The following LTN1 variants were observed in gnomAD, a reference collection of about 807,000 sequenced individuals.
The protein encoded by LTN1 is listerin E3 ubiquitin protein ligase 1, also known as E3 ubiquitin-protein ligase listerin.
A neutral mutation model predicts 201.2 loss-of-function variants in LTN1; 88 were observed. The observed-to-expected ratio is 0.44, with a 90% confidence interval of 0.37 to 0.52. LTN1 has a LOEUF of 0.52. LTN1 is among the 20% of genes least tolerant of loss of function. LTN1 has a pLI of 0.00. For missense variants in LTN1, 1,752 were observed against 2,038.7 expected (o/e 0.86, Z 2.71); for synonymous variants, 645 against 713.5 (o/e 0.90, Z 1.53).
chr21:28,943,926 A>G, intron 22 of LTN1, 22 bp from the exon 23 acceptor site: 1 of 1,438,036 alleles, frequency 7.0e-7, no homozygotes, highest in Non-Finnish European at 9.8e-7. Flanking sequence ...AAGGAAAGAA[A>G]CATGCACGTC....
chr21:28,968,915 A>C (rs1380339113), intron 9 of LTN1, among the ~76,000 whole-genome samples: 2 of 150,060 alleles, frequency 1.3e-5, no homozygotes, highest in African/African-American at 4.9e-5. Flanking sequence ...CCTGCACTAC[A>C]TCTTTCTAAA....
chr21:28,948,152 C>A (rs9977333), intron 18 of LTN1, among the ~76,000 whole-genome samples: 115,775 of 115,776 alleles, frequency 1, 57,887 homozygotes, highest in Non-Finnish European at 1. Flanking sequence ...AGATTGGGCC[C>A]CTGCACTCCA....
chr21:28,932,424 C>T, intron 28 of LTN1, 46 bp downstream of exon 28: 2 of 1,442,512 alleles, frequency 1.4e-6, no homozygotes, highest in Non-Finnish European at 1.9e-6. Context: ...TTAAATAGAT[C>T]ATCTTTTCCA....
At chr21:28,938,293 A>G (rs2084271714) in intron 25 of LTN1, among the ~76,000 whole-genome samples, 1 of 152,216 alleles carries the variant, frequency 6.6e-6, no homozygotes, top group African/African-American at 2.4e-5. Flanking sequence ...ATATGCTTAA[A>G]TACTTTTGGT....
chr21:28,940,844 T>G (rs2084291563), intron 25 of LTN1, among the ~76,000 whole-genome samples: 1 of 152,152 alleles, frequency 6.6e-6, no homozygotes, highest in African/African-American at 2.4e-5. Flanking sequence ...TCCCAGCATT[T>G]TGGGAGGCCA....
intron 18 of LTN1, among the ~76,000 whole-genome samples, chr21:28,950,286 T>C (rs888020744): frequency 1.4e-4 from 21 of 152,216 alleles, no homozygotes; most frequent in Non-Finnish European, 5.9e-5. Flanking sequence ...GTTATCATTG[T>C]GAATGGAATC....
chr21:28,959,268 A>T, intron 13 of LTN1, 190 bp downstream of exon 13: 1 of 571,902 alleles, frequency 1.7e-6, no homozygotes, highest in Non-Finnish European at 2.9e-6. Flanking sequence ...AGATCTTTAG[A>T]AATAACATCT....
At chr21:28,955,662 C>A (rs1293794266) in intron 16 of LTN1, among the ~76,000 whole-genome samples, 1 of 151,680 alleles carries the variant, frequency 6.6e-6, no homozygotes, top group Non-Finnish European at 1.5e-5. Flanking sequence ...CGGTAGCTCA[C>A]TTCTATAATC....
rs1202193593 is a variant in LTN1, at chr21:28,966,477, C to T, written c.2014G>A (p.Glu672Lys). 1 of 1,614,170 alleles carries T rather than the reference C, an allele frequency of 6.2e-7. No individual in the cohort carries two copies. Among genetic ancestry groups the T allele is most frequent in the African/African-American group, 1.3e-5 (1 of 75,066 alleles). The change falls in exon 10 of 30, where the codon GAA becomes AAA. Residue 672 changes from glutamate to lysine, a missense_variant. Glu to Lys is a moderately conservative substitution (Grantham distance 56). Transcript: ENST00000361371. ...AAACCAAAATCCTTCCTTTGATCTT[C>T]ATTTAGCCAACCTATCAGTTTCTGG... ...LYQKLIGWLNEDQRKDFGFLV... is the reference protein window; with the variant it reads ...LYQKLIGWLNKDQRKDFGFLV...
intron 11 of LTN1, among the ~76,000 whole-genome samples, chr21:28,962,157 C>A (rs62224011): frequency 0.039 from 5,922 of 152,286 alleles, 130 homozygotes; most frequent in Middle Eastern, 0.12. Flanking sequence ...TCTGCAGAAT[C>A]CTGGTAAACA....
chr21:28,966,492 T>C lies in LTN1; in HGVS notation c.1999A>G (p.Ile667Val). The C allele has an allele frequency of 1.9e-6, 3 of 1,614,154 alleles. No individual in the cohort carries two copies. Among genetic ancestry groups the C allele is most frequent in the Non-Finnish European group, 2.5e-6 (3 of 1,180,008 alleles). ...CTTTGATCTTCATTTAGCCAACCTA[T>C]CAGTTTCTGGTATAAAAACTGCACC... ...PAVQFLYQKL[I>V]GWLNEDQRKD... is the part of the protein sequence containing the mutation. Residue 667 changes from isoleucine to valine, a missense_variant, in exon 10 of 30, where the codon ATA becomes GTA. Coordinates refer to ENST00000361371, the MANE Select transcript of LTN1 (RefSeq NM_015565.3).
chr21:28,948,207 AAAAT>A (rs2084355553), intron 18 of LTN1, among the ~76,000 whole-genome samples: 2 of 150,004 alleles, frequency 1.3e-5, no homozygotes, highest in African/African-American at 4.9e-5. Flanking sequence ...AAAAAAAAAA[AAAAT>A]AGAGTCAATT....
intron 6 of LTN1, among the ~76,000 whole-genome samples, chr21:28,980,776 A>G (rs1228219801): frequency 6.6e-6 from 1 of 152,176 alleles, no homozygotes; most frequent in African/African-American, 2.4e-5. Flanking sequence ...TATATTAAAC[A>G]TAGTAGACCA....
Position 28,929,049 on chromosome 21 carries a change from G to A in LTN1, c.*1399C>T, listed in dbSNP as rs1048687627. The stretch of plus-strand genomic sequence containing the variant: ...GACAATAAATATTTTACAGTAAAAT[G>A]TAGGAGGCAAACAAAACTGGGCAGG... On this transcript the variant is annotated 3_prime_UTR_variant, in exon 30 of 30. Transcript: ENST00000361371. The A allele has an allele frequency of 1.3e-5, 2 of 152,488 alleles. No individual in the cohort carries two copies. Among genetic ancestry groups the A allele is most frequent in the Non-Finnish European group, 2.9e-5 (2 of 67,954 alleles). The allele number at this position is 152,488 out of a possible 1,614,324, so 9.4% of individuals were successfully genotyped here.
intron 24 of LTN1, among the ~76,000 whole-genome samples, chr21:28,941,740 C>T (rs1032546927): frequency 3.3e-5 from 5 of 152,102 alleles, no homozygotes; most frequent in East Asian, 3.9e-4. Context: ...AAATCCTACC[C>T]GGCCTTTTAT....
intron 16 of LTN1, among the ~76,000 whole-genome samples, chr21:28,954,235 C>T (rs928827626): frequency 6.6e-6 from 1 of 152,144 alleles, no homozygotes; most frequent in Non-Finnish European, 1.5e-5. Flanking sequence ...GTTTCCTTTC[C>T]CTTAACTAAA....
chr21:28,965,145 T>C (rs1010253969), intron 11 of LTN1, among the ~76,000 whole-genome samples: 1 of 151,946 alleles, frequency 6.6e-6, no homozygotes, highest in Admixed American at 6.6e-5. Flanking sequence ...ATGCTATGTG[T>C]TTTTTTTACT....
intron 25 of LTN1, among the ~76,000 whole-genome samples, chr21:28,936,988 A>G (rs560256157): frequency 1.1e-4 from 17 of 152,164 alleles, no homozygotes; most frequent in African/African-American, 3.6e-4. Context: ...ATTGCCCTTA[A>G]CCTTTCAAAT....
intron 11 of LTN1, chr21:28,964,895 G>A (rs1466038182): frequency 1.6e-6 from 2 of 1,279,518 alleles, no homozygotes; most frequent in African/African-American, 1.5e-5. Context: ...GGGAGAGAAG[G>A]CACTAGATAA....
Sources: gnomAD v4.1 joint callset for allele counts (sites outside exome capture counted in the v4.1 genomes callset) on GRCh38, gnomAD v4.1.1 for gene constraint, MANE v1.5 for transcripts, NCBI Gene and HGNC (gene_info 2026-07-23, HGNC 2026-07-21) for gene names.